PDE1C: variants seen among roughly 807,000 people sequenced by gnomAD.
PDE1C encodes dual specificity calcium/calmodulin-dependent 3',5'-cyclic nucleotide phosphodiesterase 1C.
In PDE1C, 62 loss-of-function variants were observed where a neutral mutation model predicts 93.1. That is an observed-to-expected ratio of 0.67 (90% confidence interval 0.54 to 0.82). PDE1C has a LOEUF of 0.82. Ranked by LOEUF, PDE1C falls within the 40% of genes least tolerant of loss-of-function variation. The pLI, the probability that PDE1C is intolerant of heterozygous loss-of-function variation, is 0.00. For synonymous variants in PDE1C, 325 were observed against 310.1 expected (o/e 1.05, Z -0.50); for missense variants, 742 against 884.6 (o/e 0.84, Z 2.04).
At chr7:32,068,832 G>A (rs1040085782) in intron 1 of PDE1C, among the ~76,000 whole-genome samples, 33 of 152,182 alleles carry the variant, frequency 2.2e-4, no homozygotes, top group Admixed American at 4.6e-4. Context: ...AATCCAGCTC[G>A]ACAACGCTTT....
chr7:31,986,240 T>C (rs561273890), intron 2 of PDE1C, among the ~76,000 whole-genome samples: 121 of 152,278 alleles, frequency 7.9e-4, no homozygotes, highest in Non-Finnish European at 1.3e-3. Context: ...CTGACAATTC[T>C]TCATGTTCCA....
At chr7:31,890,762 C>A (rs1384159371) in intron 2 of PDE1C, among the ~76,000 whole-genome samples, 1 of 151,864 alleles carries the variant, frequency 6.6e-6, no homozygotes, top group Non-Finnish European at 1.5e-5. Context: ...TAATGGCTAA[C>A]AAGATGCTGA....
At chr7:32,063,094 T>G (rs1315392725) in intron 1 of PDE1C, among the ~76,000 whole-genome samples, 9 of 152,194 alleles carry the variant, frequency 5.9e-5, no homozygotes, top group African/African-American at 2.2e-4. Context: ...ACGAATTCAG[T>G]ATACTTCCTC....
At chr7:31,644,217 G>T in the PDE1C span, among the ~76,000 whole-genome samples, 1 of 152,184 alleles carries the variant, frequency 6.6e-6, no homozygotes, top group African/African-American at 2.4e-5. Context: ...AAACTAAGGG[G>T]TAGAGCCATG....
chr7:32,401,365 C>T (rs1036863490), intron 1 of PDE1C, among the ~76,000 whole-genome samples: 2 of 151,966 alleles, frequency 1.3e-5, no homozygotes, highest in African/African-American at 2.4e-5. Context: ...AGTGAAACCC[C>T]GTCTCTACTA....
chr7:31,699,835 G>C, the PDE1C span, among the ~76,000 whole-genome samples: 1 of 151,960 alleles, frequency 6.6e-6, no homozygotes, highest in Non-Finnish European at 1.5e-5. Flanking sequence ...TGTGATCAGT[G>C]ATGTTTGATG....
chr7:31,649,541 T>C, the PDE1C span, among the ~76,000 whole-genome samples: 1 of 152,212 alleles, frequency 6.6e-6, no homozygotes, highest in East Asian at 1.9e-4. Flanking sequence ...CTCTAAAGTA[T>C]TCTTGTTAAC....
At chr7:32,376,523 T>C (rs771442317) in intron 1 of PDE1C, among the ~76,000 whole-genome samples, 23 of 152,328 alleles carry the variant, frequency 1.5e-4, no homozygotes, top group South Asian at 4.1e-4. Context: ...CTGCTCATGG[T>C]AGATCCACCA....
At chr7:31,923,827 A>G (rs1802974187) in intron 2 of PDE1C, among the ~76,000 whole-genome samples, 1 of 152,170 alleles carries the variant, frequency 6.6e-6, no homozygotes, top group South Asian at 2.1e-4. Flanking sequence ...TAATAATAAT[A>G]AATTTTTAAC....
At chr7:32,042,450 C>G (rs1791955986) in intron 2 of PDE1C, among the ~76,000 whole-genome samples, 2 of 152,178 alleles carry the variant, frequency 1.3e-5, no homozygotes, top group South Asian at 4.1e-4. Context: ...GATGAGTTAC[C>G]TCTTTTCCAT....
chr7:32,086,247 A>G lies in PDE1C; in HGVS notation c.308+83538T>C, dbSNP rs1243648231. 2.2e-3 allele frequency among the ~76,000 whole-genome samples: 334 copies of G among 149,286 alleles called. 1 individual carries two copies. The highest frequency in any genetic ancestry group is 2.3e-3 in the Non-Finnish European group (156 of 67,470). On this transcript the variant is annotated intron_variant, in intron 3 of 18. Coordinates refer to the PDE1C transcript ENST00000396193. ...AGAGCCAAATCATGAGTGAACTCCC[A>G]TTCACAATTGCTTCAAAGAGAATAA...
At chr7:31,682,474 T>C in the PDE1C span, among the ~76,000 whole-genome samples, 1 of 152,164 alleles carries the variant, frequency 6.6e-6, no homozygotes, top group African/African-American at 2.4e-5. Context: ...AGTAACAACA[T>C]CAGAGCTGGT....
chr7:31,652,041 G>A, the PDE1C span: 1 of 1,595,468 alleles, frequency 6.3e-7, no homozygotes, highest in East Asian at 2.3e-5. Flanking sequence ...TCAGAGAAGG[G>A]ATTTTACTGG....
intron 17 of PDE1C, among the ~76,000 whole-genome samples, chr7:31,769,441 A>G (rs1795342037): frequency 6.6e-6 from 1 of 152,214 alleles, no homozygotes; most frequent in African/African-American, 2.4e-5. Context: ...CTGGAGATGT[A>G]CTTTCCATCT....
chr7:32,282,090 C>T (rs142586907), intron 1 of PDE1C, among the ~76,000 whole-genome samples: 74 of 150,330 alleles, frequency 4.9e-4, no homozygotes, highest in South Asian at 8.4e-4. Context: ...CAAACCAACA[C>T]GGCACATGTA....
chr7:31,869,363 T>C (rs1583689429), intron 6 of PDE1C, among the ~76,000 whole-genome samples: 1 of 152,002 alleles, frequency 6.6e-6, no homozygotes, highest in South Asian at 2.1e-4. Flanking sequence ...CAACTATATG[T>C]CGCCTATAAG....
chr7:31,664,046 G>T, the PDE1C span, among the ~76,000 whole-genome samples: 6 of 152,298 alleles, frequency 3.9e-5, no homozygotes, highest in Non-Finnish European at 8.8e-5. Context: ...AGCTTACAGA[G>T]ATTAAGTGAT....
At chr7:32,093,815 G>A (rs1333054633) in intron 3 of PDE1C, among the ~76,000 whole-genome samples, 1 of 152,228 alleles carries the variant, frequency 6.6e-6, no homozygotes, top group East Asian at 1.9e-4. Context: ...ACCCCTCGCT[G>A]AAAGCTGCTG....
intron 2 of PDE1C, among the ~76,000 whole-genome samples, chr7:31,927,386 G>A (rs1458671601): frequency 6.6e-6 from 1 of 152,132 alleles, no homozygotes; most frequent in East Asian, 1.9e-4. Context: ...TGGACTTAAT[G>A]TTCCTGCCTG....
Sources: allele counts gnomAD v4.1 joint callset (sites outside exome capture counted in the v4.1 genomes callset), GRCh38; gene constraint gnomAD v4.1.1; transcripts MANE v1.5; gene names NCBI Gene and HGNC (gene_info 2026-07-23, HGNC 2026-07-21).